The following ARHGEF10L variants were observed in gnomAD, a reference collection of about 807,000 sequenced individuals.
ARHGEF10L encodes rho guanine nucleotide exchange factor 10-like protein.
A neutral mutation model predicts 141.2 loss-of-function variants in ARHGEF10L; 69 were observed. The observed-to-expected ratio is 0.49, with a 90% CI of 0.40 to 0.60. The LOEUF is 0.60. Ranked by LOEUF, ARHGEF10L falls within the 20% of genes least tolerant of loss-of-function variation. ARHGEF10L has a pLI of 0.00. For synonymous variants in ARHGEF10L, 711 were observed against 718.5 expected (o/e 0.99, Z 0.17); for missense variants, 1,482 against 1,734.3 (o/e 0.85, Z 2.58).
intron 20 of ARHGEF10L, 29 bp from the exon 21 acceptor site, chr1:17,640,173 C>A (rs756942571): frequency 1.3e-6 from 2 of 1,598,290 alleles, no homozygotes; most frequent in South Asian, 1.1e-5. Context: ...TGGGTACTCA[C>A]ACATCCACTC....
chr1:17,636,561 G>A (rs2061014442), intron 18 of ARHGEF10L, among the ~76,000 whole-genome samples: 1 of 152,164 alleles, frequency 6.6e-6, no homozygotes, highest in African/African-American at 2.4e-5. Flanking sequence ...TTTCGTGCCT[G>A]TGCCACAGGG....
At chr1:17,690,202 T>A (rs1402144070) in intron 27 of ARHGEF10L, among the ~76,000 whole-genome samples, 1 of 152,178 alleles carries the variant, frequency 6.6e-6, no homozygotes, top group African/African-American at 2.4e-5. Flanking sequence ...CCCATTCATA[T>A]AACAAAGGGC....
At position 17,592,646 on chromosome 1, in the gene ARHGEF10L, C is replaced by G. The variant is rs1264187643; in HGVS notation, c.257+4167C>G. Among the ~76,000 whole-genome samples, 7 of 152,252 alleles carry G rather than the reference C, an allele frequency of 4.6e-5. No homozygotes were observed. The East Asian group carries it at 1.4e-3, about 29-fold the overall frequency. On this transcript the variant is annotated intron_variant, in intron 4 of 28. Transcript: ENST00000361221. ...GCTAGGTGTGGGGGACATAGGGGCT[C>G]ATGGGAAGGGCAGGTCAGCAAGGCC... is the stretch of plus-strand genomic sequence containing the variant.
chr1:17,628,364 G>T (rs1244738790), intron 15 of ARHGEF10L, among the ~76,000 whole-genome samples: 1 of 152,152 alleles, frequency 6.6e-6, no homozygotes, highest in Non-Finnish European at 1.5e-5. Context: ...CAAAAGACTT[G>T]CAAATGAGTC....
chr1:17,686,909 T>G (rs1185194902), intron 26 of ARHGEF10L, among the ~76,000 whole-genome samples: 1 of 151,690 alleles, frequency 6.6e-6, no homozygotes. Flanking sequence ...ACACTCCACA[T>G]CTCAGTCCTG....
rs748261785 is a variant in ARHGEF10L at position 17,619,497 on chromosome 1, G to T, written c.942+52G>T. 9.4e-5 allele frequency: 134 copies of T among 1,419,644 alleles called. 1 individual carries two copies. The African/African-American group carries it at 1.5e-3, about 16-fold the overall frequency. The allele number at this position is 1,419,644 out of a possible 1,614,324, so 87.9% of individuals were successfully genotyped here. ...GGTCTGCAGGGGAAGGGGTGGCTTG[G>T]GGGTTCCAGCCTGTTCTCTGGGGCC... On this transcript the variant is annotated intron_variant, in intron 10 of 28. Coordinates refer to ENST00000361221, the MANE Select transcript of ARHGEF10L (RefSeq NM_018125.4). The surrounding 1 kb of genome is among the most constrained non-coding windows in gnomAD (Gnocchi z 5.0).
At chr1:17,547,383 C>T (rs904935513) in intron 1 of ARHGEF10L, among the ~76,000 whole-genome samples, 2 of 152,172 alleles carry the variant, frequency 1.3e-5, no homozygotes, top group African/African-American at 4.8e-5. Flanking sequence ...AGTTTTGGAA[C>T]CCCTCTTTCT....
chr1:17,638,147 C>T (rs533652516), intron 19 of ARHGEF10L, 144 bp downstream of exon 19: 7 of 763,226 alleles, frequency 9.2e-6, no homozygotes, highest in African/African-American at 5.3e-5. Context: ...TGGCAACTGT[C>T]GCTGCTGAAG....
intron 18 of ARHGEF10L, among the ~76,000 whole-genome samples, chr1:17,635,913 G>A (rs1184912768): frequency 6.6e-6 from 1 of 152,172 alleles, no homozygotes; most frequent in East Asian, 1.9e-4. Flanking sequence ...TCTGACCCAG[G>A]AGGCTGCCTC....
At chr1:17,610,993 T>G (rs747215308) in intron 7 of ARHGEF10L, among the ~76,000 whole-genome samples, 29 of 151,912 alleles carry the variant, frequency 1.9e-4, no homozygotes, top group Non-Finnish European at 3.7e-4. Context: ...CATTGAACTC[T>G]CCCACTCTCC....
At chr1:17,691,196 AG>A (rs1294667559) in intron 27 of ARHGEF10L, 20 of 446,952 alleles carry the variant, frequency 4.5e-5, no homozygotes, top group East Asian at 3.5e-4. Flanking sequence ...GGCTTGGGTG[AG>A]TTGAACACTG....
intron 27 of ARHGEF10L, among the ~76,000 whole-genome samples, chr1:17,693,505 C>T (rs911856127): frequency 6.6e-6 from 1 of 152,184 alleles, no homozygotes; most frequent in Non-Finnish European, 1.5e-5. Context: ...GCAGAGGAAG[C>T]ACATACACCC....
intron 26 of ARHGEF10L, among the ~76,000 whole-genome samples, chr1:17,666,252 A>G (rs993872901): frequency 2.0e-5 from 3 of 152,150 alleles, no homozygotes; most frequent in Non-Finnish European, 4.4e-5. Context: ...ACCATCTCTC[A>G]TGGAGTGAGA....
intron 26 of ARHGEF10L, among the ~76,000 whole-genome samples, chr1:17,674,873 G>A (rs1484932970): frequency 1.3e-5 from 2 of 152,152 alleles, no homozygotes; most frequent in African/African-American, 4.8e-5. Flanking sequence ...GGAGCAACAG[G>A]CTGTACAGCA....
the ARHGEF10L span, among the ~76,000 whole-genome samples, chr1:17,533,105 A>G: frequency 6.6e-6 from 1 of 152,144 alleles, no homozygotes; most frequent in Non-Finnish European, 1.5e-5. Flanking sequence ...AGAAATAAAA[A>G]TCCACTCAAG....
chr1:17,520,356 G>C, the ARHGEF10L span, among the ~76,000 whole-genome samples: 5 of 152,252 alleles, frequency 3.3e-5, no homozygotes, highest in Non-Finnish European at 5.9e-5. Context: ...GCTCCTGCCT[G>C]CTACTTCAAC....
At chr1:17,664,369 C>T (rs1251189263) in intron 25 of ARHGEF10L, 78 bp from the exon 26 acceptor site, 7 of 1,499,906 alleles carry the variant, frequency 4.7e-6, no homozygotes, top group Middle Eastern at 2.0e-4. Context: ...CTGCTGAGCC[C>T]CCTGCTGCTG....
chr1:17,611,965 T>G (rs2059571868), intron 7 of ARHGEF10L, among the ~76,000 whole-genome samples: 1 of 149,284 alleles, frequency 6.7e-6, no homozygotes, highest in African/African-American at 2.5e-5. Flanking sequence ...CTACCTGTTC[T>G]CCCATCGGTT....
At chr1:17,645,958 G>T (rs2061573654) in intron 21 of ARHGEF10L, among the ~76,000 whole-genome samples, 1 of 152,156 alleles carries the variant, frequency 6.6e-6, no homozygotes, top group South Asian at 2.1e-4. Context: ...TTTCCCTGAG[G>T]GTCTCTTATG....
Sources: gnomAD v4.1 joint callset for allele counts (sites outside exome capture counted in the v4.1 genomes callset) on GRCh38, gnomAD v4.1.1 for gene constraint, Gnocchi (gnomAD v3.1) non-coding constraint, MANE v1.5 for transcripts, NCBI Gene and HGNC (gene_info 2026-07-23, HGNC 2026-07-21) for gene names.